The following CLN6 variants were observed in gnomAD, a reference collection of about 807,000 sequenced individuals.
CLN6 encodes ceroid-lipofuscinosis neuronal protein 6.
Under a neutral mutation model 33.3 loss-of-function variants are expected in CLN6, and 22 were observed. That is an observed-to-expected ratio of 0.66 (90% CI 0.47 to 0.94). CLN6 has a LOEUF of 0.94. Among genes scored for constraint, CLN6 ranks in the 40% least tolerant of loss-of-function variants. The pLI is 0.00. For missense variants in CLN6, 387 were observed against 417.1 expected, an observed-to-expected ratio of 0.93 and a Z score of 0.63; for synonymous variants, 201 against 174.6, an observed-to-expected ratio of 1.15 and a Z score of -1.19.
chr15:68,218,468 C>T (rs540942495), intron 2 of CLN6, 68 bp downstream of exon 2: 40 of 1,151,250 alleles, frequency 3.5e-5, no homozygotes, highest in Admixed American at 2.2e-4. Flanking sequence ...TAAGGTCACT[C>T]GGCAAATTCA....
At position 68,256,876 on chromosome 15, in the gene CLN6, C is replaced by G; in HGVS notation, c.-8G>C. The G allele has an allele frequency of 1.5e-6, 1 of 679,308 alleles. No individual in the cohort carries two copies. Among genetic ancestry groups the G allele is most frequent in the South Asian group, 1.6e-5 (1 of 63,446 alleles). The allele number at this position is 679,308 out of a possible 1,614,324, so 42.1% of individuals were successfully genotyped here. A position where few individuals can be genotyped will look rare whatever the true frequency, so the allele number is the denominator to read the frequency against. ...CCCGGCAACGGCTGCCATTTTCCGC[C>G]CAGGCAAGGTCCTGGGCGCGGCTCT... On this transcript the variant is annotated 5_prime_UTR_variant, in exon 1 of 7. Coordinates refer to the CLN6 transcript ENST00000538696. The surrounding 1 kb of genome is among the most constrained non-coding windows in gnomAD (Gnocchi z 4.1).
At chr15:68,250,397 C>T (rs952043620) in intron 1 of CLN6, among the ~76,000 whole-genome samples, 3 of 151,456 alleles carry the variant, frequency 2.0e-5, no homozygotes, top group African/African-American at 7.3e-5. Context: ...CTAAGGCAGG[C>T]GGATCAAGAG....
rs1471319141 is a variant in CLN6 at position 68,247,914 on chromosome 15, G to T, written c.179+8776C>A. 6.6e-6 allele frequency among the ~76,000 whole-genome samples: 1 copy of T among 151,584 alleles called. No individual in the cohort carries two copies. The highest frequency in any genetic ancestry group is 1.5e-5 in the Non-Finnish European group (1 of 68,016). On this transcript the variant is annotated intron_variant, in intron 1 of 6. Coordinates refer to the CLN6 transcript ENST00000538696. The surrounding 1 kb of genome is among the most constrained non-coding windows in gnomAD (Gnocchi z 4.2). The stretch of plus-strand genomic sequence containing the variant: ...GTGGTGGCACATGCCTGTAATCCTA[G>T]CTACTTGGGAGGCTGAGGCAGGAGA...
chr15:68,229,461 A>G, intron 1 of CLN6, 41 bp downstream of exon 1: 1 of 1,415,056 alleles, frequency 7.1e-7, no homozygotes, highest in Non-Finnish European at 9.3e-7. Flanking sequence ...GCCCCAGCGC[A>G]CAGGCGCCTA....
chr15:68,225,902 G>A (rs7165830), intron 1 of CLN6, among the ~76,000 whole-genome samples: 10,381 of 152,130 alleles, frequency 0.068, 967 homozygotes, highest in African/African-American at 0.21. Flanking sequence ...CTCTGGAGGT[G>A]GAGGTTGCAG....
In CLN6 at chr15:68,211,941, C is replaced by G. The variant is rs2093207046; in HGVS notation, c.298-78G>C. Reference sequence around the variant, plus strand: ...GACACCCTCTGCTTCCCCCCTCACACCTGGGGTGGGATGGACGCTTCCAGC... The same window carrying G: ...GACACCCTCTGCTTCCCCCCTCACAGCTGGGGTGGGATGGACGCTTCCAGC... On this transcript the variant is annotated intron_variant, in intron 3 of 6. Coordinates refer to ENST00000249806, the MANE Select transcript of CLN6 (RefSeq NM_017882.3). This position sits in a 1 kb window ranked among gnomAD's most constrained non-coding sequence, Gnocchi z 5.9. 9 of 1,440,276 alleles carry G rather than the reference C, an allele frequency of 6.2e-6. No individual in the cohort carries two copies. Among genetic ancestry groups the G allele is most frequent in the African/African-American group, 1.4e-5 (1 of 71,942 alleles). The allele number at this position is 1,440,276 out of a possible 1,614,324, so 89.2% of individuals were successfully genotyped here. A position where few individuals can be genotyped will look rare whatever the true frequency, so the allele number is the denominator to read the frequency against.
chr15:68,240,159 A>G (rs1892267983), intron 1 of CLN6, among the ~76,000 whole-genome samples: 1 of 152,212 alleles, frequency 6.6e-6, no homozygotes, highest in Admixed American at 6.5e-5. Context: ...AAGAAAAAAG[A>G]CTGAAAATTA....
chr15:68,254,784 A>T, intron 1 of CLN6: 1 of 857,754 alleles, frequency 1.2e-6, no homozygotes, highest in Non-Finnish European at 2.0e-6. Flanking sequence ...AAGGGAGAGA[A>T]GGTACCAAAA....
At chr15:68,249,604 A>G (rs1364713374) in intron 1 of CLN6, among the ~76,000 whole-genome samples, 5 of 146,352 alleles carry the variant, frequency 3.4e-5, no homozygotes, top group Non-Finnish European at 6.1e-5. Flanking sequence ...TCACTCACAT[A>G]TGGGAGCTAA....
At chr15:68,224,073 CA>C (rs1270756472) in intron 1 of CLN6, among the ~76,000 whole-genome samples, 1 of 148,338 alleles carries the variant, frequency 6.7e-6, no homozygotes, top group Non-Finnish European at 1.5e-5. Context: ...ACAACAACAA[CA>C]ACAAAAAACA....
rs1222366618 is a variant in CLN6 at position 68,256,782 on chromosome 15, G to T, written c.87C>A (p.Gly29=). The stretch of plus-strand genomic sequence containing the variant: ...TGAAGGCTCGGCTCAAGCCCGCCTC[G>T]CCTCCCTCCCTCCTAGGGATGGCTC... The change falls in exon 1 of 7, where the codon GGC becomes GGA. Residue 29 remains glycine (G), a synonymous_variant. Transcript: ENST00000538696. This position sits in a 1 kb window ranked among gnomAD's most constrained non-coding sequence, Gnocchi z 4.1. The T allele has an allele frequency of 1.4e-6, 1 of 701,598 alleles. No homozygotes were observed. Among genetic ancestry groups the T allele is most frequent in the Non-Finnish European group, 2.6e-6 (1 of 384,548 alleles). The allele number at this position is 701,598 out of a possible 1,614,324, so 43.5% of individuals were successfully genotyped here.
chr15:68,214,273 G>C lies in CLN6; in HGVS notation c.297+17C>G, dbSNP rs967752328. 6.3e-7 allele frequency: 1 copy of C among 1,585,594 alleles called. No individual in the cohort carries two copies. Among genetic ancestry groups the C allele is most frequent in the Non-Finnish European group, 8.7e-7 (1 of 1,154,238 alleles). ...GAATGGGGATGACAGGAGAGAGTGG[G>C]GGCCCTGGGACAGTACCTTGAGCAA... On this transcript the variant is annotated intron_variant, in intron 3 of 6. Transcript: ENST00000249806.
At position 68,218,642 on chromosome 15, in the gene CLN6, G is replaced by C. The variant is rs2141145171; in HGVS notation, c.92C>G (p.Ser31Cys). 6.2e-7 allele frequency: 1 copy of C among 1,613,272 alleles called. No individual in the cohort carries two copies. The highest frequency in any genetic ancestry group is 8.5e-7 in the Non-Finnish European group (1 of 1,179,502). Residue 31 changes from serine (S) to cysteine (C), a missense_variant, in exon 2 of 7, where the codon TCT (serine) becomes TGT (cysteine). By Grantham distance (112) the Ser-to-Cys change is moderately radical. Coordinates refer to ENST00000249806, the MANE Select transcript of CLN6 (RefSeq NM_017882.3). ...GCGGGCAGCCTCATCAGCGCTCACA[G>C]AGCCATGCCTGGGAAGGAACCAGAC... ...GASFLQARHG[S>C]VSADEAARTA...
intron 1 of CLN6, among the ~76,000 whole-genome samples, chr15:68,252,956 G>C (rs887848435): frequency 2.0e-5 from 3 of 152,206 alleles, no homozygotes; most frequent in African/African-American, 7.2e-5. Flanking sequence ...ACAGGAAAGG[G>C]GAATACAGGT....
At chr15:68,230,240 T>G (rs1427782261), upstream of CLN6, among the ~76,000 whole-genome samples, 6 of 151,338 alleles carry the variant, frequency 4.0e-5, no homozygotes, top group African/African-American at 1.5e-4. This position sits in a 1 kb window ranked among gnomAD's most constrained non-coding sequence, Gnocchi z 4.0. Context: ...ATGTGGGGGG[T>G]GAGGGGAGAA....
chr15:68,255,025 A>G (rs1269559121), intron 1 of CLN6: 4 of 676,860 alleles, frequency 5.9e-6, no homozygotes, highest in African/African-American at 3.6e-5. Context: ...CTATGTTGTT[A>G]GCACACAGAA....
At chr15:68,243,122 G>A (rs1276091107) in intron 1 of CLN6, among the ~76,000 whole-genome samples, 1 of 152,240 alleles carries the variant, frequency 6.6e-6, no homozygotes, top group African/African-American at 2.4e-5. Flanking sequence ...GTCTAGTTCA[G>A]AGGGTTTTAA....
rs2093202525 is a variant in CLN6 at position 68,210,723 on chromosome 15, G to T, written c.542+540C>A. 6.6e-6 allele frequency among the ~76,000 whole-genome samples: 1 copy of T among 152,168 alleles called. No individual in the cohort carries two copies. The highest frequency in any genetic ancestry group is 2.4e-5 in the African/African-American group (1 of 41,450). ...GAGGTCTCCCCCGACTGAGGGACGGGGTAGGTAGGAAAAGGTGCCCCTCTG... is the reference window on the plus strand; with the variant it reads ...GAGGTCTCCCCCGACTGAGGGACGGTGTAGGTAGGAAAAGGTGCCCCTCTG... On this transcript the variant is annotated intron_variant, in intron 5 of 6. Coordinates refer to ENST00000249806, the MANE Select transcript of CLN6 (RefSeq NM_017882.3). This position sits in a 1 kb window ranked among gnomAD's most constrained non-coding sequence, Gnocchi z 5.6.
At chr15:68,229,796 A>AGGCGGGGCGGCGG, upstream of CLN6, 1 of 151,214 alleles carries the variant, frequency 6.6e-6, no homozygotes, top group East Asian at 3.4e-4. Flanking sequence ...GGGCGGAGGG[A>AGGCGGGGCGGCGG]GACGGGGCGG....
Sources: gnomAD v4.1 joint callset for allele counts (sites outside exome capture counted in the v4.1 genomes callset) on GRCh38, gnomAD v4.1.1 for gene constraint, Gnocchi (gnomAD v3.1) non-coding constraint, MANE v1.5 for transcripts, NCBI Gene and HGNC (gene_info 2026-07-23, HGNC 2026-07-21) for gene names.